The following DLD variants were observed in gnomAD, a reference collection of about 807,000 sequenced individuals.
DLD encodes the protein dihydrolipoamide dehydrogenase, also known as dihydrolipoyl dehydrogenase, mitochondrial.
Under a neutral mutation model 62.2 loss-of-function variants are expected in DLD, and 36 were observed. The ratio of observed to expected loss-of-function variants is 0.58; its 90% CI spans 0.44 to 0.76. The LOEUF (loss-of-function observed/expected upper bound fraction) is 0.76. Among genes scored for constraint, DLD ranks in the 30% least tolerant of loss-of-function variants. The pLI, the probability that DLD is intolerant of heterozygous loss-of-function variation, is 0.00. For missense variants in DLD, 541 were observed against 608.6 expected (o/e 0.89, Z 1.17); for synonymous variants, 204 against 199.6 (o/e 1.02, Z -0.19).
In DLD at chr7:107,904,130, C is replaced by T. The variant is rs547679722; in HGVS notation, c.337+583C>T. Among the ~76,000 whole-genome samples, 45 of 152,260 alleles carry T rather than the reference C, an allele frequency of 3.0e-4. No homozygotes were observed. In the South Asian group the frequency reaches 9.1e-3, roughly 31 times the overall value. On this transcript the variant is annotated intron_variant, in intron 5 of 13. Coordinates refer to ENST00000205402, the MANE Select transcript of DLD (RefSeq NM_000108.5). ...ACCTAGTCATAACCTTGGGTTGTTA[C>T]TTTTCCTTCATTTGTTTCTTTACAG...
At position 107,904,993 on chromosome 7, in the gene DLD, G is replaced by A; in HGVS notation, c.373G>A (p.Glu125Lys). 1 of 1,613,066 alleles carries A rather than the reference G, an allele frequency of 6.2e-7. No individual in the cohort carries two copies. The highest frequency in any genetic ancestry group is 8.5e-7 in the Non-Finnish European group (1 of 1,179,436). The change falls in exon 6 of 14, where the codon GAG becomes AAG. Residue 125 changes from glutamate to lysine, a missense_variant. Glu to Lys is a moderately conservative substitution (Grantham distance 56, BLOSUM62 1). Transcript: ENST00000205402. Reference protein sequence around the residue: ...EVRLNLDKMMEQKSTAVKALT... With the variant: ...EVRLNLDKMMKQKSTAVKALT... ...TCGCTTGAATTTAGACAAGATGATGGAGCAGAAGAGTACTGCAGTAAAAGC... is the reference window on the plus strand; with the variant it reads ...TCGCTTGAATTTAGACAAGATGATGAAGCAGAAGAGTACTGCAGTAAAAGC...
At chr7:107,917,236 C>G (rs746111936) in intron 10 of DLD, 37 bp from the exon 11 acceptor site, 1 of 1,611,900 alleles carries the variant, frequency 6.2e-7, no homozygotes. Context: ...GCTGTGATTT[C>G]AGAAATTCAT....
chr7:107,909,875 C>T (rs1182834185), intron 8 of DLD, among the ~76,000 whole-genome samples: 8 of 123,180 alleles, frequency 6.5e-5, no homozygotes, highest in Admixed American at 2.2e-4. Context: ...GAGATGGAGT[C>T]TCGCTCTGTA....
In DLD at chr7:107,905,463, A is replaced by G. The variant is rs1247761024; in HGVS notation, c.541A>G (p.Ile181Val). The change falls in exon 7 of 14, where the codon ATA becomes GTA. Residue 181 changes from isoleucine (I) to valine (V), a missense_variant. By Grantham distance (29) the Ile-to-Val change is conservative. Coordinates refer to ENST00000205402, the MANE Select transcript of DLD (RefSeq NM_000108.5). ...GGTTATTGATACAAAGAACATTCTT[A>G]TAGCCACGGGTTCAGAAGTTACTCC... ...TQVIDTKNIL[I>V]ATGSEVTPFP... 1.9e-6 allele frequency: 3 copies of G among 1,613,872 alleles called. No homozygotes were observed. The highest frequency in any genetic ancestry group is 1.7e-5 in the Admixed American group (1 of 60,018).
intron 7 of DLD, 32 bp downstream of exon 7, chr7:107,905,536 A>G (rs1454223625): frequency 3.1e-6 from 5 of 1,607,298 alleles, no homozygotes; most frequent in Middle Eastern, 1.7e-4. Context: ...CAACCATTAC[A>G]ACTTTTCTTT....
rs974649369 is a variant in DLD at position 107,920,325 on chromosome 7, T to C, written c.*1066T>C. On this transcript the variant is annotated 3_prime_UTR_variant, in exon 14 of 14. Coordinates refer to ENST00000205402, the MANE Select transcript of DLD (RefSeq NM_000108.5). ...ACTAAATGCTAAGTAGGCTTTTGCATATTGTAACTAAATTTAAGAATAATT... is the reference window on the plus strand; with the variant it reads ...ACTAAATGCTAAGTAGGCTTTTGCACATTGTAACTAAATTTAAGAATAATT... 6 of 152,380 alleles carry C rather than the reference T, an allele frequency of 3.9e-5. No homozygotes were observed. The highest frequency in any genetic ancestry group is 2.0e-4 in the Admixed American group (3 of 15,282). The allele number at this position is 152,380 out of a possible 1,614,324, so 9.4% of individuals were successfully genotyped here.
chr7:107,916,410 C>T (rs180862548), intron 9 of DLD, among the ~76,000 whole-genome samples: 1 of 152,166 alleles, frequency 6.6e-6, no homozygotes, highest in Admixed American at 6.5e-5. Flanking sequence ...CATGGTGGCT[C>T]ACACCTGTAA....
intron 2 of DLD, among the ~76,000 whole-genome samples, chr7:107,895,012 G>A (rs994910220): frequency 5.3e-5 from 8 of 152,162 alleles, no homozygotes; most frequent in Non-Finnish European, 1.2e-4. Flanking sequence ...TGAACACTGG[G>A]GCCTGGTCTG....
chr7:107,891,480 G>A, intron 1 of DLD, 191 bp downstream of exon 1: 1 of 672,976 alleles, frequency 1.5e-6, no homozygotes, highest in Non-Finnish European at 2.6e-6. Flanking sequence ...TGCAGCAGGC[G>A]AGGGACGGGG....
chr7:107,892,264 C>T (rs967818424), intron 1 of DLD, among the ~76,000 whole-genome samples: 10 of 152,096 alleles, frequency 6.6e-5, no homozygotes, highest in Non-Finnish European at 1.2e-4. Flanking sequence ...AAATGGTAGC[C>T]GTCCACATAT....
chr7:107,894,250 T>C (rs1479509381), intron 2 of DLD, among the ~76,000 whole-genome samples: 1 of 152,256 alleles, frequency 6.6e-6, no homozygotes, highest in Non-Finnish European at 1.5e-5. Context: ...TTCACCCATA[T>C]GGATTATAAG....
At chr7:107,916,202 T>C (rs954480457) in intron 9 of DLD, among the ~76,000 whole-genome samples, 1 of 152,186 alleles carries the variant, frequency 6.6e-6, no homozygotes, top group Non-Finnish European at 1.5e-5. Flanking sequence ...AGCTAGTGGG[T>C]GGCAGTCAGT....
Position 107,915,619 on chromosome 7 carries a change from A to G in DLD, c.798A>G (p.Gln266=). 3 of 1,613,824 alleles carry G rather than the reference A, an allele frequency of 1.9e-6. No homozygotes were observed. The highest frequency in any genetic ancestry group is 2.5e-6 in the Non-Finnish European group (3 of 1,179,874). ...CTAAAAACTTTCAACGCATCCTTCAAAAACAGGGGTTTAAATTTAAATTGA... is the reference window on the plus strand; with the variant it reads ...CTAAAAACTTTCAACGCATCCTTCAGAAACAGGGGTTTAAATTTAAATTGA... The part of the protein sequence containing the change: ...EISKNFQRIL[Q]KQGFKFKLNT... The change falls in exon 9 of 14, where the codon CAA becomes CAG. Residue 266 remains glutamine, a synonymous_variant. Coordinates refer to ENST00000205402, the MANE Select transcript of DLD (RefSeq NM_000108.5).
chr7:107,891,310 G>A, intron 1 of DLD, 21 bp downstream of exon 1: 3 of 1,613,974 alleles, frequency 1.9e-6, no homozygotes, highest in Non-Finnish European at 2.5e-6. Context: ...AGTAGGTGAG[G>A]TCGTGTTGAG....
Position 107,905,260 on chromosome 7 carries a change from T to A in DLD, c.439-101T>A, listed in dbSNP as rs1007342097. 4 of 1,284,320 alleles carry A rather than the reference T, an allele frequency of 3.1e-6. No homozygotes were observed. In the African/African-American group the frequency reaches 6.0e-5, roughly 19 times the overall value. The allele number at this position is 1,284,320 out of a possible 1,614,324, so 79.6% of individuals were successfully genotyped here. A position where few individuals can be genotyped will look rare whatever the true frequency, so the allele number is the denominator to read the frequency against. Reference sequence around the variant, plus strand: ...GTAGCATTACTAAGTAAGGAAGCATTTTGTTTTAGATAAATTATTTACAGA... The same window carrying A: ...GTAGCATTACTAAGTAAGGAAGCATATTGTTTTAGATAAATTATTTACAGA... On this transcript the variant is annotated intron_variant, in intron 6 of 13. Transcript: ENST00000205402.
intron 3 of DLD, 105 bp downstream of exon 3, chr7:107,901,922 ACT>A: frequency 1.1e-6 from 1 of 888,034 alleles, no homozygotes; most frequent in Non-Finnish European, 1.9e-6. Context: ...TACTTCCTTA[ACT>A]CTATAAATTA....
At chr7:107,898,270 C>CTTTTTTTTTTTT (rs67913323) in intron 2 of DLD, among the ~76,000 whole-genome samples, 2 of 65,570 alleles carry the variant, frequency 3.1e-5, no homozygotes, top group African/African-American at 6.5e-5. Context: ...TTTCTGTATC[C>CTTTTTTTTTTTT]TTTTTTTTTT....
At chr7:107,914,774 C>A (rs2032226624) in intron 8 of DLD, among the ~76,000 whole-genome samples, 1 of 151,982 alleles carries the variant, frequency 6.6e-6, no homozygotes, top group South Asian at 2.1e-4. Context: ...TTCATCTTGC[C>A]AGTTATGTAT....
At chr7:107,916,724 G>T (rs773520112) in intron 9 of DLD, 70 bp from the exon 10 acceptor site, 2 of 1,457,262 alleles carry the variant, frequency 1.4e-6, no homozygotes, top group Non-Finnish European at 1.9e-6. Context: ...GAAATTGCTG[G>T]CCTTAAATTT....
Sources: gnomAD v4.1 joint callset for allele counts (sites outside exome capture counted in the v4.1 genomes callset) on GRCh38, gnomAD v4.1.1 for gene constraint, MANE v1.5 for transcripts, NCBI Gene and HGNC (gene_info 2026-07-23, HGNC 2026-07-21) for gene names.